The following COMMD2 variants were observed in gnomAD, a reference collection of about 807,000 sequenced individuals.
COMMD2 encodes COMM domain-containing protein 2.
Under a neutral mutation model 22.5 loss-of-function variants are expected in COMMD2, and 25 were observed. The observed-to-expected ratio is 1.11, with a 90% CI of 0.81 to 1.55. The LOEUF (loss-of-function observed/expected upper bound fraction) is 1.55, where lower values mean the gene tolerates loss of function less well. Ranked by LOEUF, COMMD2 falls within the 40% of genes most tolerant of loss-of-function variation. COMMD2 has a pLI of 0.00. For synonymous variants in COMMD2, 98 were observed against 91.2 expected (o/e 1.07, Z -0.42); for missense variants, 223 against 232.9 (o/e 0.96, Z 0.28).
Position 149,741,388 on chromosome 3 carries a change from T to A in COMMD2, c.*133A>T, listed in dbSNP as rs973194495. ...GCTTAGCTTCTGATTATGACCTCAG[T>A]ATCTTGGAATAGATACTGAGGAATA... On this transcript the variant is annotated 3_prime_UTR_variant, in exon 5 of 5. Coordinates refer to ENST00000473414, the MANE Select transcript of COMMD2 (RefSeq NM_016094.4). 2 of 754,832 alleles carry A rather than the reference T, an allele frequency of 2.6e-6. No individual in the cohort carries two copies. The highest frequency in any genetic ancestry group is 4.3e-6 in the Non-Finnish European group (2 of 463,264). 46.8% of individuals were successfully genotyped at this position (754,832 alleles called of 1,614,324 possible).
intron 4 of COMMD2, among the ~76,000 whole-genome samples, chr3:149,747,459 T>C (rs1716408043): frequency 6.6e-6 from 1 of 152,186 alleles, no homozygotes; most frequent in African/African-American, 2.4e-5. Flanking sequence ...CTAAAGAAAG[T>C]ATTCCAAGTA....
intron 4 of COMMD2, among the ~76,000 whole-genome samples, chr3:149,747,621 C>G (rs1716413911): frequency 6.6e-6 from 1 of 152,124 alleles, no homozygotes; most frequent in Non-Finnish European, 1.5e-5. Context: ...AATATACAAA[C>G]AGAGAGACAA....
chr3:149,752,158 T>G, intron 2 of COMMD2, 52 bp downstream of exon 2: 1 of 1,466,704 alleles, frequency 6.8e-7, no homozygotes. Flanking sequence ...AGACAGGGAA[T>G]GGCTCGCAAC....
chr3:149,743,191 A>G (rs1440763231), intron 4 of COMMD2, among the ~76,000 whole-genome samples: 1 of 152,148 alleles, frequency 6.6e-6, no homozygotes, highest in Admixed American at 6.5e-5. Context: ...ATGTTCCAAA[A>G]TTTAAAAAAT....
In COMMD2 at chr3:149,739,860, A is replaced by G. The variant is rs554138961; in HGVS notation, c.*1661T>C. On this transcript the variant is annotated 3_prime_UTR_variant, in exon 5 of 5. Transcript: ENST00000473414. ...AATATAGTTGTTTCACAACGGCAGA[A>G]TATATACCTACAGGAAAAGGGTGGC... 1 of 152,218 alleles carries G rather than the reference A, an allele frequency of 6.6e-6. No individual in the cohort carries two copies. Among genetic ancestry groups the G allele is most frequent in the Non-Finnish European group, 1.5e-5 (1 of 68,044 alleles). The allele number at this position is 152,218 out of a possible 1,614,324, so 9.4% of individuals were successfully genotyped here.
intron 4 of COMMD2, among the ~76,000 whole-genome samples, chr3:149,744,393 C>T (rs1716311616): frequency 6.6e-6 from 1 of 152,140 alleles, no homozygotes; most frequent in African/African-American, 2.4e-5. Flanking sequence ...GAAAAGAATG[C>T]TTTGAAGTAG....
At chr3:149,750,274 G>C (rs1410392423) in intron 4 of COMMD2, 1 of 256,396 alleles carries the variant, frequency 3.9e-6, no homozygotes, top group Non-Finnish European at 8.2e-6. Flanking sequence ...AAGGAGTGAA[G>C]GGGCAGTAAT....
chr3:149,744,843 T>C (rs1252138577), intron 4 of COMMD2, among the ~76,000 whole-genome samples: 1 of 152,204 alleles, frequency 6.6e-6, no homozygotes, highest in Admixed American at 6.5e-5. Context: ...GCAACATTCA[T>C]TCAGTATACC....
intron 2 of COMMD2, chr3:149,751,694 T>A (rs1205523153): frequency 2.1e-6 from 1 of 465,790 alleles, no homozygotes; most frequent in East Asian, 3.6e-5. Flanking sequence ...CTTAACAAAA[T>A]GCAGAACTGT....
At chr3:149,751,969 T>G (rs905907486) in intron 2 of COMMD2, 17 of 448,332 alleles carry the variant, frequency 3.8e-5, no homozygotes, top group Middle Eastern at 5.7e-4. Context: ...TTTCTGAAAG[T>G]AAGGTGGTAT....
Position 149,740,727 on chromosome 3 carries a change from T to C in COMMD2, c.*794A>G, listed in dbSNP as rs1318348934. On this transcript the variant is annotated 3_prime_UTR_variant, in exon 5 of 5. Coordinates refer to ENST00000473414, the MANE Select transcript of COMMD2 (RefSeq NM_016094.4). The stretch of plus-strand genomic sequence containing the variant: ...TAAAAGTCAAAAATACTGAACTGTT[T>C]AGAAAATTCTGCATAGTAGTAGTAT... 1 of 152,222 alleles carries C rather than the reference T, an allele frequency of 6.6e-6. No homozygotes were observed. Among genetic ancestry groups the C allele is most frequent in the African/African-American group, 2.4e-5 (1 of 41,464 alleles). The allele number at this position is 152,222 out of a possible 1,614,324, so 9.4% of individuals were successfully genotyped here.
chr3:149,741,705 C>T lies in COMMD2; in HGVS notation c.416G>A (p.Ser139Asn). 6.2e-7 allele frequency: 1 copy of T among 1,613,418 alleles called. No individual in the cohort carries two copies. The highest frequency in any genetic ancestry group is 8.5e-7 in the Non-Finnish European group (1 of 1,179,526). Residue 139 changes from serine (S) to asparagine (N), a missense_variant, in exon 5 of 5, where the codon AGT (serine) becomes AAT (asparagine). Physicochemically the swap from Ser to Asn is conservative, Grantham distance 46. Coordinates refer to ENST00000473414, the MANE Select transcript of COMMD2 (RefSeq NM_016094.4). ...WRLDVQLASRSLRQQIKPAVT... is the reference protein window; with the variant it reads ...WRLDVQLASRNLRQQIKPAVT... Reference sequence around the variant, plus strand: ...TGCTGGTTTAATCTGTTGCCTGAGACTTCTACTTGCAAGCTTGATTTTAAA... The same window carrying T: ...TGCTGGTTTAATCTGTTGCCTGAGATTTCTACTTGCAAGCTTGATTTTAAA...
Position 149,741,301 on chromosome 3 carries a change from C to T in COMMD2, c.*220G>A, listed in dbSNP as rs1353167517. ...CAGGAAGGTCTCAATCTCCTGACCT[C>T]ATGATTTGCCCACCTCGGCCTCCCA... is the stretch of plus-strand genomic sequence containing the variant. On this transcript the variant is annotated 3_prime_UTR_variant, in exon 5 of 5. Transcript: ENST00000473414. 1 of 484,388 alleles carries T rather than the reference C, an allele frequency of 2.1e-6. No individual in the cohort carries two copies. Among genetic ancestry groups the T allele is most frequent in the Non-Finnish European group, 3.7e-6 (1 of 267,974 alleles). 30.0% of individuals were successfully genotyped at this position (484,388 alleles called of 1,614,324 possible). A position where few individuals can be genotyped will look rare whatever the true frequency, so the allele number is the denominator to read the frequency against.
At chr3:149,750,557 C>A in intron 4 of COMMD2, 121 bp downstream of exon 4, 2 of 646,602 alleles carry the variant, frequency 3.1e-6, no homozygotes, top group Non-Finnish European at 5.2e-6. Flanking sequence ...TAAAAATGAA[C>A]ATTAAAAAAA....
rs376799937 is a variant in COMMD2 at position 149,750,748 on chromosome 3, C to A, written c.332G>T (p.Arg111Ile). 3 of 1,608,794 alleles carry A rather than the reference C, an allele frequency of 1.9e-6. No individual in the cohort carries two copies. Among genetic ancestry groups the A allele is most frequent in the Middle Eastern group, 1.6e-4 (1 of 6,062 alleles). Residue 111 changes from arginine to isoleucine, a missense_variant, in exon 4 of 5, where the codon AGA becomes ATA. By Grantham distance (97) the Arg-to-Ile change is moderately conservative. Coordinates refer to ENST00000473414, the MANE Select transcript of COMMD2 (RefSeq NM_016094.4). ...TGGTGCCAATTCACTCAGAATCGTTCTGATCTCTTTTCTGTTGTCCAGATA... is the reference window on the plus strand; with the variant it reads ...TGGTGCCAATTCACTCAGAATCGTTATGATCTCTTTTCTGTTGTCCAGATA... Reference protein sequence around the residue: ...QLYLDNRKEIRTILSELAPSL... With the variant: ...QLYLDNRKEIITILSELAPSL...
intron 4 of COMMD2, among the ~76,000 whole-genome samples, chr3:149,744,138 G>A (rs1184253911): frequency 6.6e-6 from 1 of 151,526 alleles, no homozygotes; most frequent in Non-Finnish European, 1.5e-5. Flanking sequence ...CCTCCTCCCT[G>A]TAAATATAAC....
intron 4 of COMMD2, among the ~76,000 whole-genome samples, chr3:149,743,110 G>A (rs1379059659): frequency 6.6e-6 from 1 of 152,166 alleles, no homozygotes; most frequent in Non-Finnish European, 1.5e-5. Context: ...TAAGCTTGGT[G>A]GTGGGTGTAC....
At chr3:149,745,281 CAT>C (rs1397359721) in intron 4 of COMMD2, among the ~76,000 whole-genome samples, 4 of 152,170 alleles carry the variant, frequency 2.6e-5, no homozygotes, top group Admixed American at 1.3e-4. Context: ...GCACCTGGCA[CAT>C]GTTAGGGGTA....
chr3:149,752,173 C>T (rs1716549602), intron 2 of COMMD2, 37 bp downstream of exon 2: 1 of 1,589,464 alleles, frequency 6.3e-7, no homozygotes, highest in Non-Finnish European at 8.6e-7. Context: ...CGCAACCGCC[C>T]TAGAAGCCTG....
Sources: allele counts gnomAD v4.1 joint callset (sites outside exome capture counted in the v4.1 genomes callset), GRCh38; gene constraint gnomAD v4.1.1; transcripts MANE v1.5; gene names NCBI Gene and HGNC (gene_info 2026-07-23, HGNC 2026-07-21).